BCL2L1: variants seen among roughly 807,000 people sequenced by gnomAD.
The protein encoded by BCL2L1 is bcl-2-like protein 1.
BCL2L1 carries 1 observed loss-of-function variant against 18.7 expected under a neutral mutation model. That is an observed-to-expected ratio of 0.05 (90% CI 0.02 to 0.25). The LOEUF (loss-of-function observed/expected upper bound fraction) is 0.25. BCL2L1 is among the 10% of genes least tolerant of loss of function. The probability of loss-of-function intolerance (pLI) is 1.00; values close to 1 mark genes in which losing one functional copy is unlikely to be tolerated. For synonymous variants in BCL2L1, 103 were observed against 122.7 expected (o/e 0.84, Z 1.06); for missense variants, 207 against 304.9 (o/e 0.68, Z 2.39).
chr20:31,669,353 C>A (rs922806813), intron 2 of BCL2L1, among the ~76,000 whole-genome samples: 2 of 151,638 alleles, frequency 1.3e-5, no homozygotes, highest in African/African-American at 4.9e-5. Flanking sequence ...GCCACCATGC[C>A]CGGCCTCACC....
rs2060567264 is a variant in BCL2L1 at position 31,665,060 on chromosome 20, TG to T, written c.*888del. The T allele has an allele frequency of 2.2e-5, 4 of 185,650 alleles. No homozygotes were observed. Among genetic ancestry groups the T allele is most frequent in the Non-Finnish European group, 4.6e-5 (4 of 87,368 alleles). 11.5% of individuals were successfully genotyped at this position (185,650 alleles called of 1,614,324 possible). A position where few individuals can be genotyped will look rare whatever the true frequency, so the allele number is the denominator to read the frequency against. ...TGATAGCTCCCTTTCACCTCAGGGC[TG>T]AGTCCCCTGAACCCACCATGAGGAG... On this transcript the variant is annotated 3_prime_UTR_variant, in exon 3 of 3. Transcript: ENST00000307677.
Position 31,665,730 on chromosome 20 carries a change from G to A in BCL2L1, c.*219C>T. Reference sequence around the variant, plus strand: ...TGGACAGATTTTGTGGAAATTTTGTGAATTCTGAGGCCAAGGGAACTGAGG... The same window carrying A: ...TGGACAGATTTTGTGGAAATTTTGTAAATTCTGAGGCCAAGGGAACTGAGG... On this transcript the variant is annotated 3_prime_UTR_variant, in exon 3 of 3. Coordinates refer to ENST00000307677, the MANE Select transcript of BCL2L1 (RefSeq NM_138578.3). 2 of 635,268 alleles carry A rather than the reference G, an allele frequency of 3.1e-6. No homozygotes were observed. The highest frequency in any genetic ancestry group is 5.3e-6 in the Non-Finnish European group (2 of 380,400). 39.4% of individuals were successfully genotyped at this position (635,268 alleles called of 1,614,324 possible).
chr20:31,669,678 G>A (rs2060637769), intron 2 of BCL2L1, among the ~76,000 whole-genome samples: 1 of 151,708 alleles, frequency 6.6e-6, no homozygotes, highest in South Asian at 2.1e-4. Flanking sequence ...GACCTCAAGT[G>A]ATCTGCCCTC....
intron 2 of BCL2L1, among the ~76,000 whole-genome samples, chr20:31,672,680 C>G (rs2060689844): frequency 6.6e-6 from 1 of 152,190 alleles, no homozygotes; most frequent in Admixed American, 6.5e-5. Context: ...AGGCAGCCAA[C>G]TGAACGATGC....
intron 2 of BCL2L1, among the ~76,000 whole-genome samples, chr20:31,697,349 T>C (rs1037372531): frequency 6.6e-6 from 1 of 151,998 alleles, no homozygotes; most frequent in Non-Finnish European, 1.5e-5. Flanking sequence ...TATACATGAA[T>C]GTTGGCTGGA....
intron 2 of BCL2L1, among the ~76,000 whole-genome samples, chr20:31,703,112 T>G (rs528282606): frequency 6.6e-6 from 1 of 151,864 alleles, no homozygotes; most frequent in East Asian, 2.0e-4. Flanking sequence ...TGGTGCAATC[T>G]TGGCTCACTG....
At chr20:31,667,050 C>T (rs2060598815) in intron 2 of BCL2L1, among the ~76,000 whole-genome samples, 1 of 152,196 alleles carries the variant, frequency 6.6e-6, no homozygotes, top group South Asian at 2.1e-4. Context: ...TCCCCATTTA[C>T]AGGCCAAGAA....
At chr20:31,717,895 C>G (rs1377038589) in intron 2 of BCL2L1, among the ~76,000 whole-genome samples, 1 of 152,250 alleles carries the variant, frequency 6.6e-6, no homozygotes, top group African/African-American at 2.4e-5. Context: ...TGGGTCCCTT[C>G]CCACATTCCC....
At chr20:31,698,160 T>A (rs545223883) in intron 2 of BCL2L1, among the ~76,000 whole-genome samples, 3 of 152,300 alleles carry the variant, frequency 2.0e-5, no homozygotes, top group South Asian at 4.1e-4. Context: ...AGTGCTGGGA[T>A]GACAGGCGTG....
At chr20:31,673,650 C>CA (rs1033797775) in intron 2 of BCL2L1, among the ~76,000 whole-genome samples, 1 of 151,708 alleles carries the variant, frequency 6.6e-6, no homozygotes, top group Admixed American at 6.6e-5. Flanking sequence ...GACCCTGTCT[C>CA]AAAAAAACAA....
chr20:31,717,914 G>A (rs1056019454), intron 2 of BCL2L1, among the ~76,000 whole-genome samples: 13 of 152,222 alleles, frequency 8.5e-5, no homozygotes, highest in African/African-American at 3.1e-4. Flanking sequence ...CCATTGGAAA[G>A]CACCAGAAAC....
At chr20:31,715,189 G>A (rs1160021778) in intron 2 of BCL2L1, among the ~76,000 whole-genome samples, 1 of 151,462 alleles carries the variant, frequency 6.6e-6, no homozygotes, top group Non-Finnish European at 1.5e-5. Context: ...GGAGAATGGC[G>A]TGAACCCAGG....
chr20:31,723,323 G>A, upstream of BCL2L1: 6 of 985,706 alleles, frequency 6.1e-6, no homozygotes, highest in Non-Finnish European at 4.8e-6. Context: ...AAGACTGGGT[G>A]AGGGTGAGGC....
At chr20:31,714,116 A>G (rs2061491481) in intron 2 of BCL2L1, among the ~76,000 whole-genome samples, 1 of 152,234 alleles carries the variant, frequency 6.6e-6, no homozygotes, top group Admixed American at 6.5e-5. Flanking sequence ...AGGTGCTGAC[A>G]TATCTGTCAA....
chr20:31,709,015 C>G (rs1452863994), intron 2 of BCL2L1, among the ~76,000 whole-genome samples: 6 of 152,334 alleles, frequency 3.9e-5, no homozygotes, highest in African/African-American at 1.2e-4. Flanking sequence ...TTTTCTCTCC[C>G]TGCAGCTCTG....
chr20:31,719,980 A>G lies in BCL2L1; in HGVS notation c.564+1675T>C, dbSNP rs1298738863. The G allele has an allele frequency of 1.7e-5, 10 of 597,676 alleles. No homozygotes were observed. In the African/African-American group the frequency reaches 2.0e-4, roughly 12 times the overall value. The allele number at this position is 597,676 out of a possible 1,614,324, so 37.0% of individuals were successfully genotyped here. A position where few individuals can be genotyped will look rare whatever the true frequency, so the allele number is the denominator to read the frequency against. On this transcript the variant is annotated intron_variant, in intron 2 of 2. Coordinates refer to ENST00000307677, the MANE Select transcript of BCL2L1 (RefSeq NM_138578.3). ...TGAACAAATATTTGCCCCAAAAGAG[A>G]ATCAAAGCAGGAGGGAACAGGAGAG...
intron 2 of BCL2L1, among the ~76,000 whole-genome samples, chr20:31,693,471 T>C (rs1366414303): frequency 6.6e-6 from 1 of 151,740 alleles, no homozygotes; most frequent in Non-Finnish European, 1.5e-5. Context: ...CTCAGGAGTA[T>C]GGATGGTGGG....
chr20:31,680,011 C>G (rs2060831998), intron 2 of BCL2L1, among the ~76,000 whole-genome samples: 1 of 152,126 alleles, frequency 6.6e-6, no homozygotes, highest in Admixed American at 6.5e-5. Context: ...ATCAGTGGCT[C>G]CATTTGTGCT....
At chr20:31,672,258 A>C (rs1382246770) in intron 2 of BCL2L1, among the ~76,000 whole-genome samples, 1 of 152,060 alleles carries the variant, frequency 6.6e-6, no homozygotes, top group African/African-American at 2.4e-5. Context: ...TGAGGTCAGG[A>C]GTTCAAGACC....
Sources: gnomAD v4.1 joint callset for allele counts (sites outside exome capture counted in the v4.1 genomes callset) on GRCh38, gnomAD v4.1.1 for gene constraint, MANE v1.5 for transcripts, NCBI Gene and HGNC (gene_info 2026-07-23, HGNC 2026-07-21) for gene names.